Variants in SLC44A5 observed in about 807,000 individuals in gnomAD.
The protein encoded by SLC44A5 is choline transporter-like protein 5.
Under a neutral mutation model 101.8 loss-of-function variants are expected in SLC44A5, and 57 were observed. That is an observed-to-expected ratio of 0.56 (90% CI 0.45 to 0.70). The LOEUF is 0.70. SLC44A5 is among the 30% of genes least tolerant of loss of function. The pLI, the probability that SLC44A5 is intolerant of heterozygous loss-of-function variation, is 0.00. For missense variants in SLC44A5, 737 were observed against 853.1 expected, an observed-to-expected ratio of 0.86 and a Z score of 1.70; for synonymous variants, 281 against 290.9, an observed-to-expected ratio of 0.97 and a Z score of 0.35.
chr1:75,601,103 G>A (rs1272614139), intron 1 of SLC44A5, among the ~76,000 whole-genome samples: 1 of 152,136 alleles, frequency 6.6e-6, no homozygotes, highest in African/African-American at 2.4e-5. Flanking sequence ...TTCCATGAGT[G>A]ACATTGTTCA....
At chr1:75,552,107 G>A (rs1407003283) in intron 1 of SLC44A5, among the ~76,000 whole-genome samples, 4 of 152,094 alleles carry the variant, frequency 2.6e-5, no homozygotes, top group South Asian at 2.1e-4. Context: ...GAGAATAATC[G>A]TATATATTCT....
At chr1:75,715,166 C>T in the SLC44A5 span, among the ~76,000 whole-genome samples, 4 of 152,174 alleles carry the variant, frequency 2.6e-5, no homozygotes, top group Non-Finnish European at 5.9e-5. Context: ...AATAGAAAAA[C>T]ATTCCATGCT....
intron 4 of SLC44A5, among the ~76,000 whole-genome samples, chr1:75,328,405 A>G (rs1001115472): frequency 1.3e-5 from 2 of 152,240 alleles, no homozygotes; most frequent in African/African-American, 4.8e-5. Context: ...TGGGTCAGTT[A>G]CAAACATTTT....
chr1:75,598,730 C>G (rs1013051674), intron 1 of SLC44A5, among the ~76,000 whole-genome samples: 2 of 152,048 alleles, frequency 1.3e-5, no homozygotes, highest in African/African-American at 4.8e-5. Flanking sequence ...ATGATGAGAG[C>G]ACATGGACAC....
At chr1:75,259,959 C>A (rs1431276812) in intron 6 of SLC44A5, among the ~76,000 whole-genome samples, 4 of 151,842 alleles carry the variant, frequency 2.6e-5, no homozygotes, top group African/African-American at 9.7e-5. Flanking sequence ...GAAATAAAAT[C>A]TTTACAATAA....
At chr1:75,242,185 CTAA>C (rs1430957888) in intron 8 of SLC44A5, 124 bp from the exon 9 acceptor site, 1 of 631,738 alleles carries the variant, frequency 1.6e-6, no homozygotes, top group Non-Finnish European at 2.7e-6. Context: ...ATTACTTCTA[CTAA>C]TAATATTAAT....
intron 4 of SLC44A5, among the ~76,000 whole-genome samples, chr1:75,322,671 T>C (rs1175076066): frequency 6.6e-6 from 1 of 152,188 alleles, no homozygotes; most frequent in African/African-American, 2.4e-5. Context: ...ATGGGATAGA[T>C]ACGGATTTCC....
intron 2 of SLC44A5, among the ~76,000 whole-genome samples, chr1:75,403,556 G>A (rs972991055): frequency 6.6e-6 from 1 of 152,162 alleles, no homozygotes; most frequent in African/African-American, 2.4e-5. Context: ...CAGGAAAACA[G>A]GGTCTGGAGT....
At chr1:75,657,667 G>A in the SLC44A5 span, among the ~76,000 whole-genome samples, 1 of 151,868 alleles carries the variant, frequency 6.6e-6, no homozygotes, top group Non-Finnish European at 1.5e-5. Context: ...AAACTGCAAA[G>A]AGAGACAAAG....
the SLC44A5 span, chr1:75,723,593 AAG>A: frequency 6.6e-6 from 1 of 152,188 alleles, no homozygotes; most frequent in African/African-American, 2.4e-5. Context: ...TGTTCAGAAT[AAG>A]AAATTGGAAC....
intron 12 of SLC44A5, among the ~76,000 whole-genome samples, chr1:75,228,447 T>C (rs1201610678): frequency 6.6e-6 from 1 of 152,156 alleles, no homozygotes; most frequent in Non-Finnish European, 1.5e-5. Flanking sequence ...CCTTACATGT[T>C]GTATAACTTT....
intron 2 of SLC44A5, among the ~76,000 whole-genome samples, chr1:75,527,556 C>T (rs1364326221): frequency 6.6e-6 from 1 of 152,076 alleles, no homozygotes; most frequent in Non-Finnish European, 1.5e-5. Flanking sequence ...CAGCATTAAT[C>T]CTGGAAGAAA....
intron 2 of SLC44A5, among the ~76,000 whole-genome samples, chr1:75,397,566 C>A (rs1232572896): frequency 1.3e-5 from 2 of 152,124 alleles, no homozygotes; most frequent in Non-Finnish European, 1.5e-5. Context: ...TAGTAACCAA[C>A]TTTTGAACAC....
chr1:75,491,121 G>T (rs1668404126), intron 2 of SLC44A5, among the ~76,000 whole-genome samples: 1 of 152,060 alleles, frequency 6.6e-6, no homozygotes, highest in Admixed American at 6.6e-5. Context: ...GGCTTAGTCA[G>T]GGTTTGTGAC....
the SLC44A5 span, among the ~76,000 whole-genome samples, chr1:75,697,935 C>T: frequency 2.0e-5 from 3 of 152,324 alleles, no homozygotes; most frequent in South Asian, 6.2e-4. Context: ...GAATACTGTG[C>T]TTTTCCAACG....
At chr1:75,481,653 A>C (rs1364413659) in intron 2 of SLC44A5, among the ~76,000 whole-genome samples, 1 of 152,108 alleles carries the variant, frequency 6.6e-6, no homozygotes, top group African/African-American at 2.4e-5. Flanking sequence ...CACATGAAAA[A>C]ATGCTCACCA....
At position 75,608,795 on chromosome 1, in the gene SLC44A5, C is replaced by A. The variant is rs2103875; in HGVS notation, c.-70+2245G>T. On this transcript the variant is annotated intron_variant, in intron 1 of 23. Coordinates refer to ENST00000370859, the MANE Select transcript of SLC44A5 (RefSeq NM_001130058.2). Reference sequence around the variant, plus strand: ...CACTGCTTCATGTCCTTCAATATTACCTCGTCAATTGGTCCTACCCTAACC... The same window carrying A: ...CACTGCTTCATGTCCTTCAATATTAACTCGTCAATTGGTCCTACCCTAACC... 6.9e-3 allele frequency among the ~76,000 whole-genome samples: 1,048 copies of A among 151,920 alleles called. 9 individuals are homozygous for A. The highest frequency in any genetic ancestry group is 0.024 in the African/African-American group (1,005 of 41,456).
chr1:75,566,662 G>T (rs1672800042), intron 1 of SLC44A5, among the ~76,000 whole-genome samples: 1 of 152,154 alleles, frequency 6.6e-6, no homozygotes, highest in South Asian at 2.1e-4. Flanking sequence ...GCAGAGCACA[G>T]CAGAAAAGAA....
At chr1:75,644,327 G>T in the SLC44A5 span, among the ~76,000 whole-genome samples, 60,474 of 151,502 alleles carry the variant, frequency 0.4, 13,308 homozygotes, top group East Asian at 0.93. Flanking sequence ...ACATACAAAG[G>T]TGTAATAAAT....
Sources: allele counts gnomAD v4.1 joint callset (sites outside exome capture counted in the v4.1 genomes callset), GRCh38; gene constraint gnomAD v4.1.1; transcripts MANE v1.5; gene names NCBI Gene and HGNC (gene_info 2026-07-23, HGNC 2026-07-21).